The following NIN variants were observed in gnomAD, a reference collection of about 807,000 sequenced individuals.
NIN encodes the protein glycogen synthase kinase 3 beta-interacting protein.
NIN carries 137 observed loss-of-function variants against 257.6 expected under a neutral mutation model. The ratio of observed to expected loss-of-function variants is 0.53; its 90% CI spans 0.46 to 0.61. NIN has a LOEUF of 0.61. NIN is among the 20% of genes least tolerant of loss of function. NIN has a pLI of 0.00. For missense variants in NIN, 2,439 were observed against 2,501.2 expected, an observed-to-expected ratio of 0.98 and a Z score of 0.53; for synonymous variants, 918 against 919.8, an observed-to-expected ratio of 1.00 and a Z score of 0.04.
chr14:50,756,415 G>C (rs1490331396), intron 18 of NIN, 77 bp downstream of exon 18: 10 of 1,471,830 alleles, frequency 6.8e-6, no homozygotes, highest in Non-Finnish European at 1.8e-6. Context: ...AGTTTCTCTA[G>C]GCACGGCAAG....
intron 5 of NIN, among the ~76,000 whole-genome samples, chr14:50,783,177 C>A (rs2043204272): frequency 6.6e-6 from 1 of 152,014 alleles, no homozygotes; most frequent in South Asian, 2.1e-4. Flanking sequence ...GCCCTCCCCG[C>A]TGACCCACCT....
At chr14:50,751,228 G>A (rs2041776000) in intron 21 of NIN, among the ~76,000 whole-genome samples, 1 of 152,152 alleles carries the variant, frequency 6.6e-6, no homozygotes, top group African/African-American at 2.4e-5. Context: ...GTGCTGCAGT[G>A]AGTAACCCTC....
chr14:50,766,979 G>A (rs925675753), intron 12 of NIN, 89 bp from the exon 13 acceptor site: 40 of 825,404 alleles, frequency 4.8e-5, no homozygotes, highest in Non-Finnish European at 7.1e-5. Context: ...AATCAGTACC[G>A]TAGATTAAAG....
chr14:50,782,621 C>T (rs1191512206), intron 5 of NIN, among the ~76,000 whole-genome samples: 2 of 152,150 alleles, frequency 1.3e-5, no homozygotes, highest in African/African-American at 4.8e-5. Context: ...CTATGGGAAA[C>T]AATTTTCTTT....
In NIN at chr14:50,738,294, G is replaced by T. The variant is rs776504868; in HGVS notation, c.5629-8C>A. ...GGATTCCAACTGACGGACCTAACAG[G>T]AACAAATGTAAGAGGAAAAAATGCT... On this transcript the variant is annotated splice_polypyrimidine_tract_variant and splice_region_variant and intron_variant, in intron 26 of 30. Coordinates refer to ENST00000530997, the MANE Select transcript of NIN (RefSeq NM_020921.4). The T allele has an allele frequency of 1.9e-6, 3 of 1,608,272 alleles. No homozygotes were observed. The highest frequency in any genetic ancestry group is 2.5e-6 in the Non-Finnish European group (3 of 1,178,078).
Position 50,739,491 on chromosome 14 carries a change from A to T in NIN, c.5449-4T>A, listed in dbSNP as rs773339616. The stretch of plus-strand genomic sequence containing the variant: ...TAGCTATCTCTGGGGCCCAGCTCTT[A>T]AGAGAATTGCAGAGTGTAAGCCTTA... On this transcript the variant is annotated splice_region_variant and splice_polypyrimidine_tract_variant and intron_variant, in intron 25 of 30. Coordinates refer to ENST00000530997, the MANE Select transcript of NIN (RefSeq NM_020921.4). 1 of 1,613,912 alleles carries T rather than the reference A, an allele frequency of 6.2e-7. No individual in the cohort carries two copies. Among genetic ancestry groups the T allele is most frequent in the South Asian group, 1.1e-5 (1 of 91,062 alleles).
intron 28 of NIN, 143 bp from the exon 29 acceptor site, chr14:50,729,866 TG>T: frequency 1.7e-6 from 1 of 583,548 alleles, no homozygotes; most frequent in Non-Finnish European, 2.9e-6. Context: ...GGACAGCATA[TG>T]GGCCCGAGGA....
intron 29 of NIN, chr14:50,727,616 T>G: frequency 6.9e-7 from 1 of 1,439,658 alleles, no homozygotes; most frequent in Non-Finnish European, 9.4e-7. Context: ...TCTCTGTGTG[T>G]GGTGTGTGTG....
At chr14:50,773,250 C>A (rs1345966500) in intron 7 of NIN, among the ~76,000 whole-genome samples, 155 bp from the exon 8 acceptor site, 2 of 152,180 alleles carry the variant, frequency 1.3e-5, no homozygotes, top group Non-Finnish European at 2.9e-5. Context: ...TTTCCCTTTC[C>A]AGTAATGATA....
intron 14 of NIN, among the ~76,000 whole-genome samples, chr14:50,765,063 TAAAAAAAA>T (rs781699626): frequency 0.03 from 2,485 of 82,118 alleles, 104 homozygotes; most frequent in African/African-American, 0.11. Context: ...TGTCTCTACT[TAAAAAAAA>T]AAAAAAAAAA....
intron 3 of NIN, among the ~76,000 whole-genome samples, chr14:50,815,273 CA>C (rs1374784632): frequency 6.6e-6 from 1 of 152,072 alleles, no homozygotes; most frequent in Non-Finnish European, 1.5e-5. Flanking sequence ...TTCATGCAGC[CA>C]ATAAACACGA....
chr14:50,767,024 A>G (rs1203518282), intron 12 of NIN, 134 bp from the exon 13 acceptor site: 2 of 625,636 alleles, frequency 3.2e-6, no homozygotes, highest in East Asian at 5.3e-5. Context: ...AGTAGACTAC[A>G]GGAGGCAAAA....
At chr14:50,766,924 GA>G in intron 12 of NIN, 34 bp from the exon 13 acceptor site, 1 of 1,445,114 alleles carries the variant, frequency 6.9e-7, no homozygotes, top group Non-Finnish European at 9.7e-7. Flanking sequence ...ATGTGGTACA[GA>G]TTAAGAAATT....
At chr14:50,766,673 C>A (rs1331240102) in intron 13 of NIN, 107 bp downstream of exon 13, 3 of 755,242 alleles carry the variant, frequency 4.0e-6, no homozygotes, top group East Asian at 5.1e-5. Context: ...ATTTAGCTAC[C>A]CCAGTAATTG....
intron 28 of NIN, 140 bp downstream of exon 28, chr14:50,735,368 TGGTAAGGC>T: frequency 8.5e-7 from 1 of 1,172,790 alleles, no homozygotes; most frequent in Non-Finnish European, 1.2e-6. Context: ...CTGTTAAACT[TGGTAAGGC>T]GGACCAAAGA....
intron 22 of NIN, among the ~76,000 whole-genome samples, chr14:50,745,810 G>T (rs1008631372): frequency 6.6e-6 from 1 of 152,034 alleles, no homozygotes; most frequent in Non-Finnish European, 1.5e-5. Context: ...TTTCCTTTCA[G>T]TGCAATAGAT....
intron 3 of NIN, among the ~76,000 whole-genome samples, chr14:50,809,468 C>G (rs764977186): frequency 1.3e-5 from 2 of 152,096 alleles, no homozygotes; most frequent in Non-Finnish European, 2.9e-5. Context: ...CTGAATGAAA[C>G]GTAAGTCTCT....
intron 9 of NIN, 83 bp downstream of exon 9, chr14:50,772,218 C>A: frequency 8.0e-7 from 1 of 1,257,810 alleles, no homozygotes. Context: ...GAAAGAAAAT[C>A]AAATCACAGT....
intron 3 of NIN, among the ~76,000 whole-genome samples, chr14:50,815,902 G>A (rs549195888): frequency 3.3e-5 from 5 of 152,180 alleles, no homozygotes; most frequent in East Asian, 1.9e-4. Context: ...CCAGCTACTC[G>A]GGAGGCTGAG....
Sources: gnomAD v4.1 joint callset for allele counts (sites outside exome capture counted in the v4.1 genomes callset) on GRCh38, gnomAD v4.1.1 for gene constraint, MANE v1.5 for transcripts, NCBI Gene and HGNC (gene_info 2026-07-23, HGNC 2026-07-21) for gene names.